The following PARD3B variants were observed in gnomAD, a reference collection of about 807,000 sequenced individuals.
The protein encoded by PARD3B is par-3 family cell polarity regulator beta.
Under a neutral mutation model 130.2 loss-of-function variants are expected in PARD3B, and 103 were observed. The ratio of observed to expected loss-of-function variants is 0.79; its 90% CI spans 0.67 to 0.93. The LOEUF is 0.93. Ranked by LOEUF, PARD3B falls within the 40% of genes least tolerant of loss-of-function variation. PARD3B has a pLI of 0.00. For missense variants in PARD3B, 1,609 were observed against 1,499.2 expected, an observed-to-expected ratio of 1.07 and a Z score of -1.21; for synonymous variants, 583 against 553.2, an observed-to-expected ratio of 1.05 and a Z score of -0.76.
At chr2:205,364,055 C>T (rs760615485) in intron 18 of PARD3B, among the ~76,000 whole-genome samples, 2 of 151,994 alleles carry the variant, frequency 1.3e-5, no homozygotes, top group African/African-American at 2.4e-5. Flanking sequence ...ATTGACCCAG[C>T]GACTGCATCT....
intron 2 of PARD3B, among the ~76,000 whole-genome samples, chr2:204,942,038 G>A (rs981342393): frequency 5.9e-5 from 9 of 152,078 alleles, no homozygotes; most frequent in African/African-American, 1.9e-4. Flanking sequence ...TTCAGGTAAT[G>A]TTCAATATGT....
At position 204,943,126 on chromosome 2, in the gene PARD3B, A is replaced by G. The variant is rs1010072166; in HGVS notation, c.223-22026A>G. 6.6e-6 allele frequency among the ~76,000 whole-genome samples: 1 copy of G among 151,918 alleles called. No individual in the cohort carries two copies. Among genetic ancestry groups the G allele is most frequent in the African/African-American group, 2.4e-5 (1 of 41,206 alleles). On this transcript the variant is annotated intron_variant, in intron 2 of 22. Coordinates refer to ENST00000406610, the MANE Select transcript of PARD3B (RefSeq NM_001302769.2). The surrounding 1 kb of genome is among the most constrained non-coding windows in gnomAD (Gnocchi z 4.2). ...TTTAAAATTACCCCTGACTTAAGAA[A>G]GAAGTTTTTCACATTCTTAATGTGT...
chr2:204,563,457 T>C (rs1002524781), intron 1 of PARD3B, among the ~76,000 whole-genome samples: 3 of 152,252 alleles, frequency 2.0e-5, no homozygotes, highest in South Asian at 2.1e-4. Flanking sequence ...CCCATAATAA[T>C]GGCAATTTGT....
At chr2:204,964,696 A>G (rs1164045003) in intron 2 of PARD3B, among the ~76,000 whole-genome samples, 3 of 152,184 alleles carry the variant, frequency 2.0e-5, no homozygotes, top group Non-Finnish European at 4.4e-5. Flanking sequence ...GACAGATACA[A>G]TTAGGCATCT....
intron 3 of PARD3B, among the ~76,000 whole-genome samples, chr2:204,971,995 G>T (rs1243031367): frequency 2.0e-5 from 3 of 151,870 alleles, no homozygotes; most frequent in Non-Finnish European, 4.4e-5. Context: ...TCAGAGTAGT[G>T]AAAAAGTAGC....
intron 15 of PARD3B, among the ~76,000 whole-genome samples, chr2:205,227,402 G>T (rs1180268486): frequency 6.6e-6 from 1 of 151,968 alleles, no homozygotes; most frequent in Non-Finnish European, 1.5e-5. Context: ...ATATCCTTTT[G>T]CTGAATTGAG....
intron 4 of PARD3B, among the ~76,000 whole-genome samples, chr2:205,090,116 A>G (rs749746578): frequency 6.6e-6 from 1 of 152,212 alleles, no homozygotes. Context: ...AAAAACTCTT[A>G]TCTGTCAGGA....
rs1322954842 is a variant in PARD3B, at chr2:204,567,746, ATTATATAGTAAT to A, written c.120+21629_120+21640del. Among the ~76,000 whole-genome samples, 3 of 152,136 alleles carry A rather than the reference ATTATATAGTAAT, an allele frequency of 2.0e-5. No homozygotes were observed. In the East Asian group the frequency reaches 5.8e-4, roughly 29 times the overall value. On this transcript the variant is annotated intron_variant, in intron 1 of 22. Transcript: ENST00000406610. Reference sequence around the variant, plus strand: ...GTATACCCAGAAGTAGAATTGCTGGATTATATAGTAATTCTATGTTTTATTTTTTGAGGAATC... The same window carrying A: ...GTATACCCAGAAGTAGAATTGCTGGATCTATGTTTTATTTTTTGAGGAATC...
At chr2:204,935,580 A>G (rs1294290076) in intron 2 of PARD3B, among the ~76,000 whole-genome samples, 1 of 151,398 alleles carries the variant, frequency 6.6e-6, no homozygotes, top group East Asian at 1.9e-4. Context: ...ATATATTTAT[A>G]TAGTACATAT....
At chr2:205,363,999 G>A (rs536011705) in intron 18 of PARD3B, among the ~76,000 whole-genome samples, 37 of 152,014 alleles carry the variant, frequency 2.4e-4, no homozygotes, top group Admixed American at 2.2e-3. Flanking sequence ...TCTCCCATGT[G>A]TAGTGAACAC....
intron 2 of PARD3B, among the ~76,000 whole-genome samples, chr2:204,952,941 G>T (rs1392440401): frequency 6.7e-6 from 1 of 149,912 alleles, no homozygotes; most frequent in Non-Finnish European, 1.5e-5. Flanking sequence ...AGCTTGCAGT[G>T]AGCTGAGATC....
rs1472554654 is a variant in PARD3B at position 205,563,888 on chromosome 2, C to G, written c.3260+10485C>G. 6.6e-6 allele frequency among the ~76,000 whole-genome samples: 1 copy of G among 152,186 alleles called. No homozygotes were observed. The highest frequency in any genetic ancestry group is 1.5e-5 in the Non-Finnish European group (1 of 68,036). On this transcript the variant is annotated intron_variant, in intron 22 of 22. Coordinates refer to ENST00000406610, the MANE Select transcript of PARD3B (RefSeq NM_001302769.2). The surrounding 1 kb of genome is among the most constrained non-coding windows in gnomAD (Gnocchi z 4.2). ...TGTGCATGGACCAGGTCCCCAGCCC[C>G]TAGATTGCACTCTGCACCACTCCTC... is the stretch of plus-strand genomic sequence containing the variant.
chr2:204,832,954 G>A (rs923411814), intron 2 of PARD3B, among the ~76,000 whole-genome samples: 1 of 152,162 alleles, frequency 6.6e-6, no homozygotes, highest in Non-Finnish European at 1.5e-5. Flanking sequence ...TGAAACTCAA[G>A]AACTGTACAG....
intron 21 of PARD3B, among the ~76,000 whole-genome samples, chr2:205,511,323 G>A (rs2050580812): frequency 6.6e-6 from 1 of 152,060 alleles, no homozygotes; most frequent in Admixed American, 6.6e-5. Context: ...GGAAGTTCAG[G>A]AACACATGAT....
intron 18 of PARD3B, among the ~76,000 whole-genome samples, chr2:205,307,418 T>C (rs2042223508): frequency 6.6e-6 from 1 of 152,180 alleles, no homozygotes; most frequent in Non-Finnish European, 1.5e-5. Flanking sequence ...TGTGGAAAAA[T>C]ATGCAGCTCA....
chr2:204,838,956 C>G (rs2044163043), intron 2 of PARD3B, among the ~76,000 whole-genome samples: 1 of 152,198 alleles, frequency 6.6e-6, no homozygotes, highest in African/African-American at 2.4e-5. Flanking sequence ...AGGGTATCCT[C>G]TGTTCACTAT....
At chr2:204,871,529 A>G (rs1454677720) in intron 2 of PARD3B, among the ~76,000 whole-genome samples, 1 of 152,112 alleles carries the variant, frequency 6.6e-6, no homozygotes, top group East Asian at 1.9e-4. Context: ...TTCTCACGTT[A>G]TGTTTTGTAT....
intron 4 of PARD3B, among the ~76,000 whole-genome samples, chr2:205,064,889 G>A (rs1253185575): frequency 6.6e-6 from 1 of 152,166 alleles, no homozygotes; most frequent in Non-Finnish European, 1.5e-5. Flanking sequence ...TGAAAGCACT[G>A]TTTCTCAAAG....
intron 2 of PARD3B, among the ~76,000 whole-genome samples, chr2:204,728,155 G>A (rs78748695): frequency 0.011 from 1,708 of 152,278 alleles, 16 homozygotes; most frequent in Non-Finnish European, 0.018. Context: ...TCTCCATCGT[G>A]AAGAGGCAGT....
Sources: gnomAD v4.1 joint callset for allele counts (sites outside exome capture counted in the v4.1 genomes callset) on GRCh38, gnomAD v4.1.1 for gene constraint, Gnocchi (gnomAD v3.1) non-coding constraint, MANE v1.5 for transcripts, NCBI Gene and HGNC (gene_info 2026-07-23, HGNC 2026-07-21) for gene names.